FILIP1L: variants seen among roughly 807,000 people sequenced by gnomAD.
FILIP1L encodes filamin A interacting protein 1 like, also known as filamin A-interacting protein 1-like.
Under a neutral mutation model 96.6 loss-of-function variants are expected in FILIP1L, and 55 were observed. The ratio of observed to expected loss-of-function variants is 0.57; its 90% CI spans 0.46 to 0.71. The LOEUF (loss-of-function observed/expected upper bound fraction) is 0.71. Among genes scored for constraint, FILIP1L ranks in the 30% least tolerant of loss-of-function variants. The probability of loss-of-function intolerance (pLI) is 0.00; values close to 1 mark genes in which losing one functional copy is unlikely to be tolerated. For missense variants in FILIP1L, 1,304 were observed against 1,321.2 expected (o/e 0.99, Z 0.20); for synonymous variants, 467 against 473.9 (o/e 0.99, Z 0.19).
intron 1 of FILIP1L, among the ~76,000 whole-genome samples, chr3:99,939,802 C>A (rs1296541474): frequency 6.6e-6 from 1 of 152,186 alleles, no homozygotes. Context: ...TTTGCAGATT[C>A]CTCGTCTGCA....
At chr3:100,012,761 CTTTTTTT>C (rs35737304) in intron 1 of FILIP1L, among the ~76,000 whole-genome samples, 3 of 93,612 alleles carry the variant, frequency 3.2e-5, no homozygotes, top group Non-Finnish European at 4.6e-5. Context: ...GAAGCATATT[CTTTTTTT>C]TTTTTTTTTT....
intron 5 of FILIP1L, among the ~76,000 whole-genome samples, chr3:99,838,937 A>G (rs1046712105): frequency 2.6e-5 from 4 of 152,144 alleles, no homozygotes; most frequent in Non-Finnish European, 5.9e-5. Context: ...TTCACAATCA[A>G]CAGGTCTTTG....
At chr3:99,930,680 A>G in intron 2 of FILIP1L, 89 bp downstream of exon 2, 1 of 1,395,940 alleles carries the variant, frequency 7.2e-7, no homozygotes, top group African/African-American at 1.4e-5. Context: ...TATGAACCAC[A>G]GATATCTATT....
rs1943662411 is a variant in FILIP1L, at chr3:99,850,940, G to A, written c.736C>T (p.Gln246Ter). Residue 246 changes from glutamine to a stop codon, truncating the protein, a stop_gained, in exon 5 of 6, where the codon CAG (glutamine) becomes TAG (stop). Transcript: ENST00000477258. LOFTEE classifies it high-confidence loss of function. ...KSFALMVVDEQQRLTAQLTLQ... is the reference protein window; with the variant it reads ...KSFALMVVDE ...GTGAGCTGTGCCGTCAGCCTTTGCT[G>A]TTCATCCACCACCATCAAAGCAAAA... is the stretch of plus-strand genomic sequence containing the variant. 1 of 1,614,154 alleles carries A rather than the reference G, an allele frequency of 6.2e-7. No individual in the cohort carries two copies. Among genetic ancestry groups the A allele is most frequent in the Non-Finnish European group, 8.5e-7 (1 of 1,180,012 alleles).
At chr3:100,034,905 G>A (rs1366848676) in intron 1 of FILIP1L, among the ~76,000 whole-genome samples, 1 of 152,154 alleles carries the variant, frequency 6.6e-6, no homozygotes, top group African/African-American at 2.4e-5. Flanking sequence ...AATCACTGCA[G>A]TAGTCCACTT....
chr3:100,000,098 T>A (rs1473623702), intron 1 of FILIP1L, among the ~76,000 whole-genome samples: 2 of 152,174 alleles, frequency 1.3e-5, no homozygotes, highest in Admixed American at 6.5e-5. Flanking sequence ...TAATATATAA[T>A]CAGGACTGGA....
At chr3:99,998,137 T>C (rs559923784) in intron 1 of FILIP1L, among the ~76,000 whole-genome samples, 1 of 152,240 alleles carries the variant, frequency 6.6e-6, no homozygotes, top group Non-Finnish European at 1.5e-5. Context: ...TGAAAGAGTT[T>C]CTAATCTCAG....
intron 1 of FILIP1L, among the ~76,000 whole-genome samples, chr3:100,088,011 A>G (rs1368404741): frequency 6.6e-6 from 1 of 151,838 alleles, no homozygotes; most frequent in African/African-American, 2.4e-5. Context: ...TTATATTTGT[A>G]GTAGAGATGG....
intron 1 of FILIP1L, among the ~76,000 whole-genome samples, chr3:99,986,907 G>A (rs1293890128): frequency 6.6e-6 from 1 of 152,162 alleles, no homozygotes; most frequent in Non-Finnish European, 1.5e-5. Flanking sequence ...CTAGTTAGGA[G>A]GACAAGAACA....
At chr3:99,943,565 G>A (rs1303399816) in intron 1 of FILIP1L, among the ~76,000 whole-genome samples, 3 of 152,024 alleles carry the variant, frequency 2.0e-5, no homozygotes, top group Non-Finnish European at 2.9e-5. Flanking sequence ...TTAGCCGGGC[G>A]TGGTGGCATG....
intron 4 of FILIP1L, among the ~76,000 whole-genome samples, chr3:99,879,314 A>G (rs942943831): frequency 2.0e-5 from 3 of 152,264 alleles, no homozygotes; most frequent in Admixed American, 6.5e-5. Context: ...AGACAGCTTA[A>G]TATCACCAGT....
chr3:99,991,120 C>G (rs1317745479), intron 1 of FILIP1L, among the ~76,000 whole-genome samples: 1 of 152,158 alleles, frequency 6.6e-6, no homozygotes, highest in African/African-American at 2.4e-5. Context: ...CCATCTCCCC[C>G]CATAATGGAA....
At chr3:99,955,413 G>A (rs1708293768) in intron 1 of FILIP1L, among the ~76,000 whole-genome samples, 2 of 152,142 alleles carry the variant, frequency 1.3e-5, no homozygotes, top group African/African-American at 4.8e-5. Flanking sequence ...GATTTTTTTA[G>A]CGAAGGCATT....
At chr3:99,988,346 A>C (rs1709411220) in intron 1 of FILIP1L, among the ~76,000 whole-genome samples, 2 of 148,676 alleles carry the variant, frequency 1.3e-5, no homozygotes, top group South Asian at 2.2e-4. Flanking sequence ...AAATCCAAAA[A>C]AAAAAAAAAA....
intron 1 of FILIP1L, among the ~76,000 whole-genome samples, chr3:100,014,205 T>A (rs939654412): frequency 2.7e-5 from 4 of 150,922 alleles, no homozygotes; most frequent in African/African-American, 2.4e-5. Context: ...TATATATATA[T>A]TATATATATA....
At chr3:100,017,241 C>A (rs1381660773) in intron 1 of FILIP1L, among the ~76,000 whole-genome samples, 1 of 152,166 alleles carries the variant, frequency 6.6e-6, no homozygotes, top group African/African-American at 2.4e-5. Flanking sequence ...AAGTCCCATC[C>A]AGTTGGTCCA....
intron 5 of FILIP1L, among the ~76,000 whole-genome samples, chr3:99,847,203 A>T (rs1943403350): frequency 6.6e-6 from 1 of 151,924 alleles, no homozygotes; most frequent in Non-Finnish European, 1.5e-5. Flanking sequence ...CTTGTTTAAA[A>T]AAAACTGTAA....
chr3:100,025,893 A>G (rs1358339195), intron 1 of FILIP1L, among the ~76,000 whole-genome samples: 2 of 152,160 alleles, frequency 1.3e-5, no homozygotes, highest in African/African-American at 2.4e-5. Flanking sequence ...GCTTAGAGCC[A>G]GTTTGCCTTG....
At chr3:99,870,952 T>G (rs1944758534) in intron 4 of FILIP1L, among the ~76,000 whole-genome samples, 2 of 152,168 alleles carry the variant, frequency 1.3e-5, no homozygotes, top group Non-Finnish European at 2.9e-5. Flanking sequence ...CATATTTTGC[T>G]TGAAGGCCAT....
Sources: allele counts gnomAD v4.1 joint callset (sites outside exome capture counted in the v4.1 genomes callset), GRCh38; gene constraint gnomAD v4.1.1; transcripts MANE v1.5; gene names NCBI Gene and HGNC (gene_info 2026-07-23, HGNC 2026-07-21).